RBFOX1: variants seen among roughly 807,000 people sequenced by gnomAD.
The protein encoded by RBFOX1 is RNA binding protein fox-1 homolog 1.
Under a neutral mutation model 57.7 loss-of-function variants are expected in RBFOX1, and 8 were observed. That is an observed-to-expected ratio of 0.14 (90% confidence interval 0.08 to 0.25). RBFOX1 has a LOEUF of 0.25. Among genes scored for constraint, RBFOX1 ranks in the 10% least tolerant of loss-of-function variants. The pLI is 1.00. For synonymous variants in RBFOX1, 326 were observed against 222.4 expected, an observed-to-expected ratio of 1.47 and a Z score of -4.15; for missense variants, 611 against 548.5, an observed-to-expected ratio of 1.11 and a Z score of -1.14.
chr16:5,647,208 C>T (rs1292777779), intron 3 of RBFOX1, among the ~76,000 whole-genome samples: 1 of 152,108 alleles, frequency 6.6e-6, no homozygotes, highest in Non-Finnish European at 1.5e-5. Context: ...ATATGAACCC[C>T]AGGTTTATGA....
intron 3 of RBFOX1, among the ~76,000 whole-genome samples, chr16:7,029,868 C>T (rs957037969): frequency 6.6e-6 from 1 of 152,092 alleles, no homozygotes; most frequent in African/African-American, 2.4e-5. Flanking sequence ...ATTCTTATGT[C>T]CATTCATTGG....
At chr16:6,971,702 G>A (rs1466103968) in intron 3 of RBFOX1, among the ~76,000 whole-genome samples, 1 of 152,122 alleles carries the variant, frequency 6.6e-6, no homozygotes, top group Non-Finnish European at 1.5e-5. Flanking sequence ...TGGGGTTAGG[G>A]TGTTGTTAGC....
intron 3 of RBFOX1, among the ~76,000 whole-genome samples, chr16:6,677,813 C>T (rs1349758018): frequency 6.6e-6 from 1 of 152,042 alleles, no homozygotes; most frequent in Non-Finnish European, 1.5e-5. Context: ...GGTGGCAGAG[C>T]TTTTTATGTA....
intron 1 of RBFOX1, among the ~76,000 whole-genome samples, chr16:5,314,811 T>G (rs1057204667): frequency 5.4e-4 from 77 of 141,568 alleles, no homozygotes; most frequent in Non-Finnish European, 5.2e-4. Flanking sequence ...TCATTTCTTT[T>G]AAAACCAGAA....
intron 4 of RBFOX1, among the ~76,000 whole-genome samples, chr16:7,135,110 T>C (rs1407984541): frequency 1.3e-5 from 2 of 152,180 alleles, no homozygotes; most frequent in Non-Finnish European, 2.9e-5. Context: ...TGAGGCTGTT[T>C]TTATGTCTGT....
intron 4 of RBFOX1, among the ~76,000 whole-genome samples, chr16:7,167,803 G>A (rs1567544160): frequency 6.6e-6 from 1 of 152,126 alleles, no homozygotes; most frequent in Non-Finnish European, 1.5e-5. Context: ...GGGCAGAGTT[G>A]AATAACTGCG....
At chr16:5,840,299 T>C (rs1167014515) in intron 3 of RBFOX1, among the ~76,000 whole-genome samples, 1 of 152,154 alleles carries the variant, frequency 6.6e-6, no homozygotes, top group Non-Finnish European at 1.5e-5. Flanking sequence ...GCAGAACATC[T>C]GCATGGCAGT....
intron 5 of RBFOX1, among the ~76,000 whole-genome samples, chr16:7,544,217 G>C (rs1173901469): frequency 6.6e-6 from 1 of 152,186 alleles, no homozygotes; most frequent in East Asian, 1.9e-4. Context: ...AAAGTTACTT[G>C]ATGGTGATGT....
intron 3 of RBFOX1, among the ~76,000 whole-genome samples, chr16:6,995,310 G>GTC (rs1472080695): frequency 2.2e-4 from 34 of 151,582 alleles, no homozygotes; most frequent in African/African-American, 4.6e-4. Context: ...GTGTGTGTGT[G>GTC]TGTGTGTGTG....
rs539833211 is a variant in RBFOX1, at chr16:7,410,376, C to T, written c.28-107771C>T. On this transcript the variant is annotated intron_variant, in intron 4 of 15. Transcript: ENST00000550418. ...TAAATGGCAAAACTGGGATTAAAACCCAGGACCTTAAGACTGCAGCCTCGG... is the reference window on the plus strand; with the variant it reads ...TAAATGGCAAAACTGGGATTAAAACTCAGGACCTTAAGACTGCAGCCTCGG... 7.0e-4 allele frequency among the ~76,000 whole-genome samples: 106 copies of T among 152,308 alleles called. 1 individual carries two copies. In the South Asian group the frequency reaches 0.013, roughly 18 times the overall value.
chr16:5,287,597 G>C (rs1022367774), intron 1 of RBFOX1, among the ~76,000 whole-genome samples: 3 of 152,192 alleles, frequency 2.0e-5, no homozygotes, highest in African/African-American at 7.2e-5. Flanking sequence ...GATCAGCTGA[G>C]GATTGGTTAA....
At chr16:5,708,507 T>C (rs11076955) in intron 3 of RBFOX1, among the ~76,000 whole-genome samples, 144,401 of 152,138 alleles carry the variant, frequency 0.95, 68,555 homozygotes, top group East Asian at 1. Context: ...TGGATCTGTG[T>C]CTTCCATCTC....
chr16:7,094,483 G>T (rs1002912417), intron 4 of RBFOX1, among the ~76,000 whole-genome samples: 5 of 152,128 alleles, frequency 3.3e-5, no homozygotes, highest in African/African-American at 1.2e-4. Flanking sequence ...TGGTTCTGGG[G>T]ACTGGATAGA....
chr16:5,275,753 A>T (rs770923238), intron 1 of RBFOX1, among the ~76,000 whole-genome samples: 1 of 152,218 alleles, frequency 6.6e-6, no homozygotes, highest in African/African-American at 2.4e-5. Flanking sequence ...AAAAGAACCA[A>T]TCTAGAGGCA....
chr16:5,905,439 C>A (rs1257967350), intron 4 of RBFOX1, among the ~76,000 whole-genome samples: 3 of 152,118 alleles, frequency 2.0e-5, no homozygotes, highest in African/African-American at 7.2e-5. Context: ...AGGCCAGGCG[C>A]AGTGGCTCTT....
At chr16:6,815,064 A>T (rs2089759189) in intron 3 of RBFOX1, among the ~76,000 whole-genome samples, 1 of 152,124 alleles carries the variant, frequency 6.6e-6, no homozygotes, top group Non-Finnish European at 1.5e-5. Flanking sequence ...TTTTCCCGGA[A>T]AGCGGTAGGC....
At chr16:6,667,634 CGCT>C (rs2098740908) in intron 3 of RBFOX1, among the ~76,000 whole-genome samples, 1 of 151,986 alleles carries the variant, frequency 6.6e-6, no homozygotes, top group Non-Finnish European at 1.5e-5. Context: ...GGAATCCTAG[CGCT>C]TTTTGGACAC....
chr16:5,857,306 T>C (rs1256019591), intron 3 of RBFOX1, among the ~76,000 whole-genome samples: 1 of 152,090 alleles, frequency 6.6e-6, no homozygotes, highest in Non-Finnish European at 1.5e-5. Flanking sequence ...GTATCAAAGA[T>C]CACTGATCAC....
At chr16:6,690,655 C>G (rs1434079660) in intron 3 of RBFOX1, among the ~76,000 whole-genome samples, 13 of 151,968 alleles carry the variant, frequency 8.6e-5, no homozygotes, top group Non-Finnish European at 1.6e-4. Context: ...TCATAAACCT[C>G]TGCTTTTAGT....
Sources: gnomAD v4.1 joint callset for allele counts (sites outside exome capture counted in the v4.1 genomes callset) on GRCh38, gnomAD v4.1.1 for gene constraint, MANE v1.5 for transcripts, NCBI Gene and HGNC (gene_info 2026-07-23, HGNC 2026-07-21) for gene names.